LCA5: variants seen among roughly 807,000 people sequenced by gnomAD.
The protein encoded by LCA5 is lebercilin.
In LCA5, 37 loss-of-function variants were observed where a neutral mutation model predicts 53.0. The observed-to-expected ratio is 0.70, with a 90% CI of 0.54 to 0.92. The LOEUF (loss-of-function observed/expected upper bound fraction) is 0.92. LCA5 is among the 40% of genes least tolerant of loss of function. The probability of loss-of-function intolerance (pLI) is 0.00; values close to 1 mark genes in which losing one functional copy is unlikely to be tolerated. For missense variants in LCA5, 806 were observed against 790.5 expected (o/e 1.02, Z -0.23); for synonymous variants, 303 against 282.9 (o/e 1.07, Z -0.71).
Position 79,495,781 on chromosome 6 carries a change from G to T in LCA5, c.721-2031C>A, listed in dbSNP as rs534511946. ...AAAAAAAAAAAAAAGTCGGTCCTCC[G>T]CATCCAAAGGTTTCACACACTGCAA... On this transcript the variant is annotated intron_variant, in intron 3 of 7. Coordinates refer to ENST00000369846, the MANE Select transcript of LCA5 (RefSeq NM_001122769.3). 4.1e-5 allele frequency among the ~76,000 whole-genome samples: 6 copies of T among 145,860 alleles called. No individual in the cohort carries two copies. The East Asian group carries it at 1.2e-3, about 30-fold the overall frequency.
At chr6:79,489,822 A>G (rs556846805) in intron 6 of LCA5, among the ~76,000 whole-genome samples, 1 of 152,196 alleles carries the variant, frequency 6.6e-6, no homozygotes, top group African/African-American at 2.4e-5. Flanking sequence ...TTAGTAATGG[A>G]ATCCTTTGAG....
chr6:79,504,114 A>T (rs1172020005), intron 3 of LCA5, among the ~76,000 whole-genome samples: 4 of 152,312 alleles, frequency 2.6e-5, no homozygotes, highest in Non-Finnish European at 5.9e-5. Context: ...TTTAACTTTG[A>T]TCCAAGAACA....
At chr6:79,501,670 T>C (rs1273612922) in intron 3 of LCA5, among the ~76,000 whole-genome samples, 9 of 150,956 alleles carry the variant, frequency 6.0e-5, no homozygotes, top group Admixed American at 4.0e-4. Context: ...AGTTATATAC[T>C]ATATTGTATA....
chr6:79,513,671 G>A lies in LCA5; in HGVS notation c.261C>T (p.Ser87=), dbSNP rs776434278. ...KGVRVGFRSQ[S]LNREPLRKDT... is the part of the protein sequence containing the mutation. ...CTTTCCGAAGTGGCTCTCTATTGAG[G>A]CTCTGGGAGCGAAATCCCACTCGGA... Residue 87 remains serine (S), a synonymous_variant, in exon 3 of 8, where the codon AGC becomes AGT. Coordinates refer to ENST00000369846, the MANE Select transcript of LCA5 (RefSeq NM_001122769.3). 1.2e-6 allele frequency: 2 copies of A among 1,613,766 alleles called. No homozygotes were observed. The highest frequency in any genetic ancestry group is 2.2e-5 in the South Asian group (2 of 91,080).
At chr6:79,487,900 G>A in intron 7 of LCA5, 34 bp from the exon 8 acceptor site, 1 of 1,506,174 alleles carries the variant, frequency 6.6e-7, no homozygotes, top group Non-Finnish European at 9.1e-7. Context: ...ATGGGATTTT[G>A]TAACAGTCAA....
chr6:79,518,601 A>T, intron 2 of LCA5, 104 bp downstream of exon 2: 2 of 1,057,996 alleles, frequency 1.9e-6, no homozygotes, highest in Non-Finnish European at 3.0e-6. Context: ...TTCCATGTAT[A>T]CAACAACATA....
intron 3 of LCA5, among the ~76,000 whole-genome samples, chr6:79,508,285 G>A (rs948543485): frequency 1.8e-4 from 27 of 152,080 alleles, no homozygotes; most frequent in Non-Finnish European, 1.5e-5. Context: ...AGATACCTTT[G>A]GCTGTTTGCC....
intron 2 of LCA5, 99 bp from the exon 3 acceptor site, chr6:79,513,840 T>C: frequency 1.8e-6 from 2 of 1,131,156 alleles, no homozygotes; most frequent in African/African-American, 1.5e-5. Context: ...TCTTTAGTTA[T>C]TTTTGTCTTT....
chr6:79,501,849 CTG>C (rs1460386253), intron 3 of LCA5, among the ~76,000 whole-genome samples: 1 of 150,948 alleles, frequency 6.6e-6, no homozygotes, highest in Non-Finnish European at 1.5e-5. Context: ...AGTTCTATAA[CTG>C]TATATTCTAT....
intron 4 of LCA5, 152 bp from the exon 5 acceptor site, chr6:79,492,799 T>C: frequency 1.7e-6 from 1 of 595,500 alleles, no homozygotes; most frequent in African/African-American, 1.9e-5. Flanking sequence ...AAGAAATGTC[T>C]CTAGCATACT....
Position 79,491,631 on chromosome 6 carries a change from A to G in LCA5, c.1055T>C (p.Met352Thr), listed in dbSNP as rs1161878963. Residue 352 changes from methionine to threonine, a missense_variant, in exon 6 of 8, where the codon ATG (methionine) becomes ACG (threonine). Met to Thr is a moderately conservative substitution (Grantham distance 81). Coordinates refer to ENST00000369846, the MANE Select transcript of LCA5 (RefSeq NM_001122769.3). ...EEYPLTPETI[M>T]CYENKWEEPG... ...TTCTTCCCATTTGTTTTCGTAACAC[A>G]TAATTGTTTCTGGAGTTAAAGGATA... 1.1e-5 allele frequency: 17 copies of G among 1,613,170 alleles called. No individual in the cohort carries two copies. The African/African-American group carries it at 1.6e-4, about 15-fold the overall frequency.
chr6:79,510,662 G>A (rs1770387394), intron 3 of LCA5, among the ~76,000 whole-genome samples: 1 of 152,100 alleles, frequency 6.6e-6, no homozygotes, highest in African/African-American at 2.4e-5. Flanking sequence ...GCTACAGAAT[G>A]GGAGAAAACT....
rs552887125 is a variant in LCA5, at chr6:79,517,723, A to C, written c.190+982T>G. Among the ~76,000 whole-genome samples the C allele has an allele frequency of 2.8e-4, 43 of 152,330 alleles. 1 individual carries two copies. The Middle Eastern group carries it at 0.017, about 60-fold the overall frequency. ...TTCAAAAGGAATACATATTCTTTGC[A>C]GTTTTTAATAAGCGAATATTATTTT... On this transcript the variant is annotated intron_variant, in intron 2 of 7. Coordinates refer to ENST00000369846, the MANE Select transcript of LCA5 (RefSeq NM_001122769.3).
intron 3 of LCA5, among the ~76,000 whole-genome samples, chr6:79,496,703 A>G (rs1769992355): frequency 6.6e-6 from 1 of 152,186 alleles, no homozygotes; most frequent in Non-Finnish European, 1.5e-5. Context: ...GAGTACAAAA[A>G]GGCATTAAAA....
intron 1 of LCA5, among the ~76,000 whole-genome samples, chr6:79,524,216 A>G (rs1462532255): frequency 6.6e-6 from 1 of 152,188 alleles, no homozygotes; most frequent in Non-Finnish European, 1.5e-5. Flanking sequence ...TACTGCTGTC[A>G]TTCTGGAATT....
intron 1 of LCA5, among the ~76,000 whole-genome samples, chr6:79,533,087 A>AT (rs1405324283): frequency 1.3e-5 from 2 of 152,134 alleles, no homozygotes; most frequent in African/African-American, 2.4e-5. Context: ...AAGCTGAAAT[A>AT]TTTTTTTCTA....
At chr6:79,509,626 A>T (rs1157728539) in intron 3 of LCA5, among the ~76,000 whole-genome samples, 2 of 152,198 alleles carry the variant, frequency 1.3e-5, no homozygotes, top group South Asian at 4.1e-4. Flanking sequence ...AAACCAAGTC[A>T]TTCCTTGGTT....
Position 79,521,887 on chromosome 6 carries a change from T to C in LCA5, c.-191-2802A>G, listed in dbSNP as rs577881379. 1.3e-4 allele frequency among the ~76,000 whole-genome samples: 20 copies of C among 152,300 alleles called. No homozygotes were observed. The South Asian group carries it at 4.1e-3, about 32-fold the overall frequency. On this transcript the variant is annotated intron_variant, in intron 1 of 7. Coordinates refer to ENST00000369846, the MANE Select transcript of LCA5 (RefSeq NM_001122769.3). ...CAAGGACGCTATCAGATACTACTGA[T>C]GGAGTGTCAGTCAAATGGACTCAGG...
At chr6:79,501,834 TATAG>T (rs1350839959) in intron 3 of LCA5, among the ~76,000 whole-genome samples, 2 of 151,328 alleles carry the variant, frequency 1.3e-5, no homozygotes, top group Non-Finnish European at 2.9e-5. Context: ...ATGTATAATA[TATAG>T]AGTTCTATAA....
Sources: allele counts gnomAD v4.1 joint callset (sites outside exome capture counted in the v4.1 genomes callset), GRCh38; gene constraint gnomAD v4.1.1; transcripts MANE v1.5; gene names NCBI Gene and HGNC (gene_info 2026-07-23, HGNC 2026-07-21).